C11orf54: variants seen among roughly 807,000 people sequenced by gnomAD.
The protein encoded by C11orf54 is beta-keto L-gulonate decarboxylase.
In C11orf54, 29 loss-of-function variants were observed where a neutral mutation model predicts 35.5. The observed-to-expected ratio is 0.82, with a 90% CI of 0.61 to 1.11. C11orf54 has a LOEUF of 1.11. Ranked by LOEUF, C11orf54 falls within the 50% of genes most tolerant of loss-of-function variation. C11orf54 has a pLI of 0.00. For missense variants in C11orf54, 373 were observed against 369.2 expected (o/e 1.01, Z -0.08); for synonymous variants, 108 against 121.1 (o/e 0.89, Z 0.71).
intron 7 of C11orf54, among the ~76,000 whole-genome samples, chr11:93,759,389 A>C (rs1943337068): frequency 6.6e-6 from 1 of 152,164 alleles, no homozygotes; most frequent in Admixed American, 6.5e-5. Flanking sequence ...GCAAACTATC[A>C]CAAGATCAGA....
Position 93,757,476 on chromosome 11 carries a change from A to G in C11orf54, c.657+11A>G, listed in dbSNP as rs779399926. The G allele has an allele frequency of 1.3e-6, 2 of 1,596,502 alleles. No individual in the cohort carries two copies. Among genetic ancestry groups the G allele is most frequent in the South Asian group, 2.2e-5 (2 of 90,948 alleles). ...AAGTCTCACATTATGGTAAGAGCCC[A>G]TGTGTGCATACATGCATGAAGGAGT... On this transcript the variant is annotated intron_variant, in intron 7 of 8. Coordinates refer to ENST00000354421, the MANE Select transcript of C11orf54 (RefSeq NM_001286069.2).
chr11:93,761,543 AT>A lies in C11orf54; in HGVS notation c.810del (p.Phe270LeufsTer18), dbSNP rs1243082072. 4 of 1,610,868 alleles carry A rather than the reference AT, an allele frequency of 2.5e-6. No homozygotes were observed. The highest frequency in any genetic ancestry group is 1.1e-5 in the South Asian group (1 of 90,346). On this transcript the variant is annotated frameshift_variant, in exon 9 of 9. Transcript: ENST00000354421. LOFTEE classifies it high-confidence loss of function. ...TTTGATTTGCGACTGGAGCACACTC[AT>A]TTTTTTAGTCGTCATGGAGAAGGTG... ...PGFDLRLEHTHFFSRHGEGGH... is the reference protein window; with the variant it reads ...PGFDLRLEHTXFFSRHGEGGH...
At chr11:93,750,534 C>A (rs1942759613) in intron 3 of C11orf54, 90 bp downstream of exon 3, 1 of 1,007,390 alleles carries the variant, frequency 9.9e-7, no homozygotes. Context: ...AAATTATCTA[C>A]AAATAAAGGA....
At position 93,747,312 on chromosome 11, in the gene C11orf54, T is replaced by C. The variant is rs937705911; in HGVS notation, c.-82T>C. The C allele has an allele frequency of 5.6e-6, 6 of 1,066,058 alleles. No homozygotes were observed. Among genetic ancestry groups the C allele is most frequent in the Non-Finnish European group, 8.1e-6 (6 of 739,500 alleles). 66.0% of individuals were successfully genotyped at this position (1,066,058 alleles called of 1,614,324 possible). ...TCATTTCCAGAACAGAAACTGTTCA[T>C]ACTTGGTGCGCTGTGGACTCTTGTG... is the stretch of plus-strand genomic sequence containing the variant. On this transcript the variant is annotated 5_prime_UTR_variant, in exon 2 of 9. Coordinates refer to ENST00000354421, the MANE Select transcript of C11orf54 (RefSeq NM_001286069.2).
At chr11:93,756,312 CAA>C (rs35695203) in intron 6 of C11orf54, among the ~76,000 whole-genome samples, 6 of 119,854 alleles carry the variant, frequency 5.0e-5, no homozygotes, top group Non-Finnish European at 6.9e-5. Context: ...AAGACCCTGT[CAA>C]AAAAAAAAAA....
chr11:93,761,058 T>C, intron 8 of C11orf54, among the ~76,000 whole-genome samples: 1 of 152,180 alleles, frequency 6.6e-6, no homozygotes, highest in East Asian at 1.9e-4. Context: ...TATTACAGTA[T>C]TGTTGTAGTA....
chr11:93,755,704 G>A (rs1337396002), intron 6 of C11orf54, among the ~76,000 whole-genome samples: 10 of 142,136 alleles, frequency 7.0e-5, no homozygotes, highest in African/African-American at 2.6e-4. Context: ...AGTGAGCCAA[G>A]ATCATGCTAC....
chr11:93,761,347 G>A (rs1943457470), intron 8 of C11orf54, among the ~76,000 whole-genome samples, 168 bp from the exon 9 acceptor site: 1 of 152,176 alleles, frequency 6.6e-6, no homozygotes, highest in Non-Finnish European at 1.5e-5. Context: ...CAAGAGAGAA[G>A]AAGATACATT....
At chr11:93,743,944 T>G (rs535078517) in intron 1 of C11orf54, among the ~76,000 whole-genome samples, 1 of 152,124 alleles carries the variant, frequency 6.6e-6, no homozygotes, top group East Asian at 1.9e-4. Context: ...ACCTAACTCC[T>G]TTCTCAGCTC....
At chr11:93,752,746 GTTTTT>G (rs71064779) in intron 3 of C11orf54, among the ~76,000 whole-genome samples, 1 of 103,906 alleles carries the variant, frequency 9.6e-6, no homozygotes, top group Non-Finnish European at 1.9e-5. Context: ...ATCTCTCTGG[GTTTTT>G]TTTTTTTTTT....
chr11:93,752,236 C>T (rs1380999657), intron 3 of C11orf54, among the ~76,000 whole-genome samples: 2 of 152,068 alleles, frequency 1.3e-5, no homozygotes, highest in East Asian at 3.8e-4. Context: ...AATTGCAATA[C>T]TAGAAGCCAG....
Position 93,761,678 on chromosome 11 carries a change from G to T in C11orf54, c.938G>T (p.Gly313Val). The T allele has an allele frequency of 2.5e-6, 4 of 1,589,514 alleles. No individual in the cohort carries two copies. Among genetic ancestry groups the T allele is most frequent in the Non-Finnish European group, 3.4e-6 (4 of 1,172,224 alleles). Residue 313 changes from glycine (G) to valine (V), a missense_variant, in exon 9 of 9, where the codon GGG becomes GTG. Transcript: ENST00000354421. Reference sequence around the variant, plus strand: ...CAACCAAAAGAGACGCATTCAATTGGGCGAGATTAAATCAGCTGATACTTA... The same window carrying T: ...CAACCAAAAGAGACGCATTCAATTGTGCGAGATTAAATCAGCTGATACTTA... ...IDQPKETHSI[G>V]RD
At chr11:93,761,059 T>C (rs2135682016) in intron 8 of C11orf54, among the ~76,000 whole-genome samples, 1 of 152,310 alleles carries the variant, frequency 6.6e-6, no homozygotes, top group East Asian at 1.9e-4. Context: ...ATTACAGTAT[T>C]GTTGTAGTAG....
intron 1 of C11orf54, chr11:93,745,965 C>G (rs688374): frequency 0.92 from 140,696 of 152,362 alleles, 66,028 homozygotes; most frequent in East Asian, 1. Flanking sequence ...CTGGGTGACA[C>G]AGCGAGACTC....
chr11:93,758,606 C>T (rs2135668142), intron 7 of C11orf54, among the ~76,000 whole-genome samples: 1 of 152,378 alleles, frequency 6.6e-6, no homozygotes, highest in South Asian at 2.1e-4. Context: ...TCAGGCAGAG[C>T]CCGGTCGCTG....
At chr11:93,758,875 A>G (rs1943307107) in intron 7 of C11orf54, among the ~76,000 whole-genome samples, 1 of 152,226 alleles carries the variant, frequency 6.6e-6, no homozygotes, top group Non-Finnish European at 1.5e-5. Flanking sequence ...GGGCCAGGGA[A>G]GGCCTGAAGG....
At chr11:93,750,294 G>A (rs1365651192) in intron 2 of C11orf54, 52 bp from the exon 3 acceptor site, 15 of 1,480,754 alleles carry the variant, frequency 1.0e-5, no homozygotes, top group Non-Finnish European at 1.2e-5. Flanking sequence ...TTGATACGTG[G>A]TAGCCAAGTT....
chr11:93,748,835 C>CAAAA, intron 2 of C11orf54, among the ~76,000 whole-genome samples: 1 of 138,114 alleles, frequency 7.2e-6, no homozygotes, highest in African/African-American at 2.7e-5. Context: ...GACTCAGTCT[C>CAAAA]AAAAAAAAAA....
rs1037769300 is a variant in C11orf54, at chr11:93,757,557, C to A, written c.657+92C>A. 4.5e-6 allele frequency: 6 copies of A among 1,332,334 alleles called. No individual in the cohort carries two copies. In the African/African-American group the frequency reaches 8.8e-5, roughly 20 times the overall value. The allele number at this position is 1,332,334 out of a possible 1,614,324, so 82.5% of individuals were successfully genotyped here. On this transcript the variant is annotated intron_variant, in intron 7 of 8. Transcript: ENST00000354421. ...GATTTTTTTTTTTTTTTAAACGGAT[C>A]CTTGCTCTGTTGCCCATGCTGGAGT...
Sources: allele counts gnomAD v4.1 joint callset (sites outside exome capture counted in the v4.1 genomes callset), GRCh38; gene constraint gnomAD v4.1.1; transcripts MANE v1.5; gene names NCBI Gene and HGNC (gene_info 2026-07-23, HGNC 2026-07-21).